Variants in NSF observed in about 807,000 individuals in gnomAD.
NSF encodes N-ethylmaleimide sensitive factor, vesicle fusing ATPase.
NSF carries 14 observed loss-of-function variants against 50.3 expected under a neutral mutation model. The observed-to-expected ratio is 0.28, with a 90% CI of 0.18 to 0.44. NSF has a LOEUF of 0.44. Ranked by LOEUF, NSF falls within the 20% of genes least tolerant of loss-of-function variation. The pLI, the probability that NSF is intolerant of heterozygous loss-of-function variation, is 1.00. For synonymous variants in NSF, 109 were observed against 175.7 expected (o/e 0.62, Z 3.00); for missense variants, 218 against 504.3 (o/e 0.43, Z 5.44).
intron 18 of NSF, 72 bp from the exon 19 acceptor site, chr17:46,751,431 G>A (rs2059180887): frequency 7.5e-6 from 8 of 1,061,332 alleles, no homozygotes; most frequent in Admixed American, 5.8e-5. Context: ...TTCTTTTAAA[G>A]GTAAATAGAA....
In NSF at chr17:46,728,875, C is replaced by A. The variant is rs779152160; in HGVS notation, c.1849C>A (p.Arg617=). 2 of 1,608,704 alleles carry A rather than the reference C, an allele frequency of 1.2e-6. No individual in the cohort carries two copies. The highest frequency in any genetic ancestry group is 2.2e-5 in the East Asian group (1 of 44,686). The change falls in exon 17 of 21, where the codon CGA becomes AGA. Residue 617 remains arginine (R), a synonymous_variant. Transcript: ENST00000398238. The stretch of plus-strand genomic sequence containing the variant: ...TCCAGATTACGTCCCTATTGGCCCT[C>A]GATTTTCAAATCTTGTATTACAGGC... ...RLLDYVPIGP[R]FSNLVLQALL...
At chr17:46,716,282 A>C (rs1364042831) in intron 15 of NSF, among the ~76,000 whole-genome samples, 1 of 142,812 alleles carries the variant, frequency 7.0e-6, no homozygotes, top group Non-Finnish European at 1.5e-5. Context: ...TTTGAGATGG[A>C]GTCTTGCTCT....
intron 1 of NSF, among the ~76,000 whole-genome samples, chr17:46,606,142 G>A (rs1296491302): frequency 1.9e-4 from 5 of 26,242 alleles, no homozygotes; most frequent in Non-Finnish European, 3.0e-4. Context: ...TCACGCCATT[G>A]CACTCCAGCC....
intron 18 of NSF, among the ~76,000 whole-genome samples, chr17:46,750,968 A>G (rs560802064): frequency 1.1e-3 from 172 of 152,302 alleles, no homozygotes; most frequent in Non-Finnish European, 1.6e-3. Flanking sequence ...TTAACTTTTA[A>G]TATCAATATT....
At chr17:46,747,123 T>G (rs2059137414) in intron 17 of NSF, among the ~76,000 whole-genome samples, 1 of 152,208 alleles carries the variant, frequency 6.6e-6, no homozygotes, top group South Asian at 2.1e-4. Flanking sequence ...GACACAGTAT[T>G]TCCATTCATA....
At chr17:46,721,008 G>C (rs948665651) in intron 15 of NSF, among the ~76,000 whole-genome samples, 14 of 152,194 alleles carry the variant, frequency 9.2e-5, no homozygotes, top group Non-Finnish European at 1.8e-4. Context: ...TGGCTCCCCA[G>C]TTGTCTGAAG....
chr17:46,728,311 A>G (rs1003567974), intron 16 of NSF, among the ~76,000 whole-genome samples: 5 of 152,162 alleles, frequency 3.3e-5, no homozygotes, highest in African/African-American at 1.2e-4. Context: ...ATTTTCTAAC[A>G]TCATGTTTTA....
At chr17:46,595,609 A>G (rs1342935176) in intron 1 of NSF, among the ~76,000 whole-genome samples, 1 of 129,404 alleles carries the variant, frequency 7.7e-6, no homozygotes, top group Non-Finnish European at 1.5e-5. Flanking sequence ...CTCCCGCCTC[A>G]GCCTCCTGAG....
At chr17:46,691,791 C>T (rs1421188039) in intron 9 of NSF, among the ~76,000 whole-genome samples, 4 of 151,424 alleles carry the variant, frequency 2.6e-5, no homozygotes, top group Non-Finnish European at 5.9e-5. Flanking sequence ...CTCACTCTGT[C>T]GCCCAGGCTG....
At chr17:46,727,865 G>A (rs939143909) in intron 16 of NSF, among the ~76,000 whole-genome samples, 3 of 152,196 alleles carry the variant, frequency 2.0e-5, no homozygotes, top group African/African-American at 7.2e-5. Flanking sequence ...TATTCAATAA[G>A]CACTTGCTGA....
At chr17:46,679,919 G>A (rs1003857897) in intron 9 of NSF, among the ~76,000 whole-genome samples, 1 of 147,282 alleles carries the variant, frequency 6.8e-6, no homozygotes, top group Admixed American at 6.8e-5. Context: ...GCAGAAATCA[G>A]AATGTAAAGT....
chr17:46,744,961 T>C (rs527767368), intron 17 of NSF, among the ~76,000 whole-genome samples: 26 of 152,344 alleles, frequency 1.7e-4, no homozygotes, highest in African/African-American at 6.3e-4. Flanking sequence ...GCTTTTTCTT[T>C]ATAGCATCAG....
intron 17 of NSF, among the ~76,000 whole-genome samples, chr17:46,734,890 T>C (rs1019199602): frequency 6.6e-6 from 1 of 151,942 alleles, no homozygotes; most frequent in Non-Finnish European, 1.5e-5. Flanking sequence ...GACCAGTCTT[T>C]ACAAAAAAAA....
chr17:46,754,926 A>G (rs2033855544), intron 19 of NSF, among the ~76,000 whole-genome samples: 1 of 152,238 alleles, frequency 6.6e-6, no homozygotes, highest in Admixed American at 6.5e-5. Flanking sequence ...GGTATCTTCT[A>G]CTTTGCTGTG....
chr17:46,667,460 CTT>C lies in NSF; in HGVS notation c.746-6939_746-6938del, dbSNP rs779369132. Among the ~76,000 whole-genome samples, 11 of 128,172 alleles carry C rather than the reference CTT, an allele frequency of 8.6e-5. 1 individual carries two copies. Among genetic ancestry groups the C allele is most frequent in the Admixed American group, 8.1e-5 (1 of 12,354 alleles). The allele number at this position is 128,172 out of a possible 152,430, so 84.1% of individuals were successfully genotyped here. A position where few individuals can be genotyped will look rare whatever the true frequency, so the allele number is the denominator to read the frequency against. ...GATAGACGATGTCAGGTTTGATTTT[CTT>C]TTTTTTTTTTTTTTAAGAAATCTTT... On this transcript the variant is annotated intron_variant, in intron 8 of 20. Coordinates refer to ENST00000398238, the MANE Select transcript of NSF (RefSeq NM_006178.4).
At chr17:46,749,987 G>A in intron 18 of NSF, 80 bp downstream of exon 18, 2 of 1,471,322 alleles carry the variant, frequency 1.4e-6, no homozygotes, top group South Asian at 2.5e-5. Context: ...ATTATACCTG[G>A]TGTTTGGTTT....
At chr17:46,722,911 C>T (rs1241749587) in intron 15 of NSF, among the ~76,000 whole-genome samples, 1 of 152,112 alleles carries the variant, frequency 6.6e-6, no homozygotes, top group Non-Finnish European at 1.5e-5. Context: ...TGTGAGTGCA[C>T]CTCTCCCTCT....
intron 12 of NSF, among the ~76,000 whole-genome samples, chr17:46,695,361 T>C (rs2058586773): frequency 9.9e-6 from 1 of 100,704 alleles, no homozygotes; most frequent in African/African-American, 4.4e-5. Context: ...TTCAAGCTAT[T>C]GGGCTGGAGA....
intron 8 of NSF, among the ~76,000 whole-genome samples, chr17:46,648,405 A>G (rs2058234505): frequency 7.4e-6 from 1 of 134,718 alleles, no homozygotes; most frequent in Non-Finnish European, 1.5e-5. Flanking sequence ...AGTTAAATGT[A>G]TATTTGAACA....
Sources: allele counts gnomAD v4.1 joint callset (sites outside exome capture counted in the v4.1 genomes callset), GRCh38; gene constraint gnomAD v4.1.1; transcripts MANE v1.5; gene names NCBI Gene and HGNC (gene_info 2026-07-23, HGNC 2026-07-21).